The following SCML4 variants were observed in gnomAD, a reference collection of about 807,000 sequenced individuals.
The protein encoded by SCML4 is Scm polycomb group protein like 4.
In SCML4, 34 loss-of-function variants were observed where a neutral mutation model predicts 41.1. The ratio of observed to expected loss-of-function variants is 0.83; its 90% CI spans 0.63 to 1.10. The LOEUF is 1.10. Ranked by LOEUF, SCML4 falls within the 50% of genes least tolerant of loss-of-function variation. SCML4 has a pLI of 0.00. For synonymous variants in SCML4, 214 were observed against 220.9 expected (o/e 0.97, Z 0.28); for missense variants, 522 against 534.1 (o/e 0.98, Z 0.22).
At chr6:107,830,553 A>G in the SCML4 span, among the ~76,000 whole-genome samples, 22,357 of 152,230 alleles carry the variant, frequency 0.15, 1,772 homozygotes, top group Admixed American at 0.22. Context: ...CTTCTCCACT[A>G]TAACCCCAGT....
intron 5 of SCML4, 23 bp from the exon 6 acceptor site, chr6:107,721,016 G>A (rs1470011421): frequency 1.9e-6 from 3 of 1,570,132 alleles, no homozygotes; most frequent in Non-Finnish European, 2.6e-6. Flanking sequence ...GCAGTACAGA[G>A]AAGCAGATAT....
chr6:107,730,995 C>A (rs1010389618), intron 5 of SCML4, among the ~76,000 whole-genome samples: 2 of 152,160 alleles, frequency 1.3e-5, no homozygotes, highest in Non-Finnish European at 2.9e-5. Flanking sequence ...TTAGGTAATG[C>A]CCCTGCATCC....
chr6:107,818,995 A>G (rs1046633810), intron 1 of SCML4, among the ~76,000 whole-genome samples: 2 of 152,180 alleles, frequency 1.3e-5, no homozygotes, highest in African/African-American at 2.4e-5. Context: ...ACAAAAGAGG[A>G]CGGGAGAAGA....
chr6:107,840,418 TCA>T, the SCML4 span, among the ~76,000 whole-genome samples: 1 of 152,196 alleles, frequency 6.6e-6, no homozygotes, highest in Non-Finnish European at 1.5e-5. Context: ...ATATTAAATC[TCA>T]CAGATTCCTG....
At chr6:107,705,372 A>C in intron 7 of SCML4, 47 bp from the exon 8 acceptor site, 1 of 1,541,266 alleles carries the variant, frequency 6.5e-7, no homozygotes, top group Non-Finnish European at 8.8e-7. Flanking sequence ...AGATGGTCAG[A>C]GTCATCGAAC....
At chr6:107,808,643 G>A (rs1160100845) in intron 1 of SCML4, among the ~76,000 whole-genome samples, 1 of 152,136 alleles carries the variant, frequency 6.6e-6, no homozygotes, top group East Asian at 1.9e-4. Context: ...TCCAGGACAT[G>A]GGAAGAGAAA....
chr6:107,753,498 G>A (rs1021164487), intron 2 of SCML4, among the ~76,000 whole-genome samples: 1 of 152,202 alleles, frequency 6.6e-6, no homozygotes, highest in South Asian at 2.1e-4. Flanking sequence ...TGCTTAGTGG[G>A]TAGAGAGTTT....
chr6:107,747,935 T>C (rs1434549414), intron 3 of SCML4, among the ~76,000 whole-genome samples: 1 of 152,188 alleles, frequency 6.6e-6, no homozygotes, highest in Non-Finnish European at 1.5e-5. Context: ...TGGTAACAGT[T>C]GCTGAACTGG....
chr6:107,802,586 G>GGAAA lies in SCML4; in HGVS notation c.-60+21539_-60+21540insTTTC, dbSNP rs1783240362. Among the ~76,000 whole-genome samples the GGAAA allele has an allele frequency of 7.0e-5, 8 of 114,586 alleles. No individual in the cohort carries two copies. The South Asian group carries it at 1.3e-3, about 18-fold the overall frequency. The allele number at this position is 114,586 out of a possible 152,430, so 75.2% of individuals were successfully genotyped here. On this transcript the variant is annotated intron_variant, in intron 1 of 7. Transcript: ENST00000369020. Reference sequence around the variant, plus strand: ...TTGGCTCGAGGGAGGGAGGGAGGAAGGAAGGAAGGAAGGAAGGAAGGAAGG... The same window carrying GGAAA: ...TTGGCTCGAGGGAGGGAGGGAGGAAGGAAAGAAGGAAGGAAGGAAGGAAGGAAGG...
At chr6:107,717,388 C>G (rs980170582) in intron 6 of SCML4, among the ~76,000 whole-genome samples, 3 of 151,894 alleles carry the variant, frequency 2.0e-5, no homozygotes, top group Non-Finnish European at 2.9e-5. Flanking sequence ...CACAAAGGCT[C>G]AACAGTGAAC....
At chr6:107,714,778 A>T (rs1472986749) in intron 6 of SCML4, among the ~76,000 whole-genome samples, 1 of 152,036 alleles carries the variant, frequency 6.6e-6, no homozygotes, top group African/African-American at 2.4e-5. Flanking sequence ...CTCATTAGGT[A>T]GTTGCTGTTC....
At chr6:107,714,256 G>A (rs893677672) in intron 6 of SCML4, among the ~76,000 whole-genome samples, 5 of 152,154 alleles carry the variant, frequency 3.3e-5, no homozygotes, top group Non-Finnish European at 7.3e-5. Flanking sequence ...GCTGAGCTGA[G>A]CGAGATTCCT....
chr6:107,750,392 C>A (rs1218527720), intron 2 of SCML4, among the ~76,000 whole-genome samples: 1 of 152,210 alleles, frequency 6.6e-6, no homozygotes, highest in Non-Finnish European at 1.5e-5. Flanking sequence ...GATGATTTCA[C>A]TTGAAACCAC....
chr6:107,742,005 G>T (rs1777637432), intron 5 of SCML4, among the ~76,000 whole-genome samples: 2 of 152,092 alleles, frequency 1.3e-5, no homozygotes, highest in South Asian at 2.1e-4. Flanking sequence ...CAAAATAGTA[G>T]TTTTAAGGAA....
intron 1 of SCML4, among the ~76,000 whole-genome samples, chr6:107,818,909 C>A (rs1225897076): frequency 1.3e-5 from 2 of 152,188 alleles, no homozygotes; most frequent in African/African-American, 4.8e-5. Flanking sequence ...GCTCTAGACA[C>A]CAGGGAAAAA....
intron 5 of SCML4, among the ~76,000 whole-genome samples, chr6:107,742,868 C>T (rs1777717183): frequency 6.6e-6 from 1 of 152,002 alleles, no homozygotes; most frequent in Non-Finnish European, 1.5e-5. Context: ...ATTACGTACA[C>T]AGACAAACCC....
At chr6:107,798,670 A>G (rs1782885586) in intron 1 of SCML4, among the ~76,000 whole-genome samples, 1 of 151,958 alleles carries the variant, frequency 6.6e-6, no homozygotes, top group Non-Finnish European at 1.5e-5. Flanking sequence ...CTAGCTTCTT[A>G]AGGTAGAAGC....
At chr6:107,824,083 AT>A (rs1233773747) in intron 1 of SCML4, 42 bp downstream of exon 1, 1 of 152,230 alleles carries the variant, frequency 6.6e-6, no homozygotes, top group Non-Finnish European at 1.5e-5. Context: ...CAAGAGAAAG[AT>A]CCCGTGTCAA....
At chr6:107,775,963 T>C (rs752385841) in intron 1 of SCML4, among the ~76,000 whole-genome samples, 2 of 152,028 alleles carry the variant, frequency 1.3e-5, no homozygotes, top group Non-Finnish European at 2.9e-5. Context: ...TAGAAATAAA[T>C]AAAATTTTAC....
Sources: allele counts gnomAD v4.1 joint callset (sites outside exome capture counted in the v4.1 genomes callset), GRCh38; gene constraint gnomAD v4.1.1; transcripts MANE v1.5; gene names NCBI Gene and HGNC (gene_info 2026-07-23, HGNC 2026-07-21).